The following MEP1A variants were observed in gnomAD, a reference collection of about 807,000 sequenced individuals.
MEP1A encodes the protein meprin A subunit alpha.
Under a neutral mutation model 84.5 loss-of-function variants are expected in MEP1A, and 68 were observed. That is an observed-to-expected ratio of 0.80 (90% CI 0.66 to 0.98). MEP1A has a LOEUF of 0.98. MEP1A is among the 50% of genes least tolerant of loss of function. The pLI is 0.00. For synonymous variants in MEP1A, 337 were observed against 336.8 expected (o/e 1.00, Z -0.01); for missense variants, 887 against 919.9 (o/e 0.96, Z 0.46).
At chr6:46,841,863 A>T (rs182308630), downstream of MEP1A, among the ~76,000 whole-genome samples, 7 of 152,308 alleles carry the variant, frequency 4.6e-5, no homozygotes, top group East Asian at 1.4e-3. Context: ...ATTCTGCTAC[A>T]CCTTCATATT....
chr6:46,832,273 G>A (rs1423189384), intron 10 of MEP1A, among the ~76,000 whole-genome samples: 1 of 152,122 alleles, frequency 6.6e-6, no homozygotes, highest in Non-Finnish European at 1.5e-5. Context: ...TTGCGGAATT[G>A]AGTTGCTTTG....
intron 6 of MEP1A, among the ~76,000 whole-genome samples, chr6:46,812,421 A>T (rs1767526776): frequency 6.6e-6 from 1 of 151,900 alleles, no homozygotes; most frequent in South Asian, 2.1e-4. Flanking sequence ...TCAAAGAACC[A>T]GATTTTTGTT....
intron 6 of MEP1A, 83 bp downstream of exon 6, chr6:46,809,620 A>G (rs2150745072): frequency 1.2e-6 from 1 of 837,048 alleles, no homozygotes. Context: ...CCAAAGTCCA[A>G]TGTATCATTC....
chr6:46,820,832 T>A (rs1767755063), intron 7 of MEP1A, among the ~76,000 whole-genome samples: 1 of 152,040 alleles, frequency 6.6e-6, no homozygotes. Flanking sequence ...TAAGAAGGAA[T>A]TAGTGAAGAG....
chr6:46,821,597 T>C (rs377529216), intron 7 of MEP1A, among the ~76,000 whole-genome samples: 107 of 152,350 alleles, frequency 7.0e-4, no homozygotes, highest in South Asian at 3.7e-3. Context: ...CTTACCTTCC[T>C]GTACATATAC....
intron 13 of MEP1A, among the ~76,000 whole-genome samples, chr6:46,835,942 T>G (rs377562337): frequency 2.6e-5 from 4 of 152,206 alleles, no homozygotes; most frequent in African/African-American, 9.6e-5. Flanking sequence ...TCCTAATTAT[T>G]ATTAGTTCTA....
downstream of MEP1A, among the ~76,000 whole-genome samples, chr6:46,841,933 G>C (rs187334634): frequency 4.8e-4 from 73 of 152,322 alleles, 1 homozygote; most frequent in African/African-American, 1.7e-3. Flanking sequence ...TGGAGCCGCA[G>C]CAGAAGAACA....
Position 46,826,423 on chromosome 6 carries a change from C to A in MEP1A, c.848C>A (p.Thr283Asn), listed in dbSNP as rs1160942514. ...KANICGMIQGTRDDTDWAHQD... is the reference protein window; with the variant it reads ...KANICGMIQGNRDDTDWAHQD... ...AACATCTGTGGAATGATTCAGGGCA[C>A]CAGAGATGACACTGACTGGGCCCAT... The change falls in exon 9 of 14, where the codon ACC becomes AAC. Residue 283 changes from threonine (T) to asparagine (N), a missense_variant. Physicochemically the swap from Thr to Asn is moderately conservative, Grantham distance 65 (BLOSUM62 0). Transcript: ENST00000230588. The A allele has an allele frequency of 6.2e-7, 1 of 1,609,622 alleles. No homozygotes were observed. Among genetic ancestry groups the A allele is most frequent in the South Asian group, 1.1e-5 (1 of 89,552 alleles).
At chr6:46,805,028 T>C (rs1037730734) in intron 5 of MEP1A, among the ~76,000 whole-genome samples, 1 of 152,052 alleles carries the variant, frequency 6.6e-6, no homozygotes, top group Middle Eastern at 3.4e-3. Flanking sequence ...TTGTTCTTTT[T>C]TTGTTACTGT....
chr6:46,835,300 GC>G lies in MEP1A; in HGVS notation c.1840del (p.Gln614LysfsTer22). 1.2e-6 allele frequency: 2 copies of G among 1,605,256 alleles called. No homozygotes were observed. Among genetic ancestry groups the G allele is most frequent in the Non-Finnish European group, 1.7e-6 (2 of 1,176,086 alleles). Reference sequence around the variant, plus strand: ...GTTCCCACTAAAGGCAAAAGACTGAGCCCCCAAGGCCTCATTCTCCAAGGCC... The same window carrying G: ...GTTCCCACTAAAGGCAAAAGACTGAGCCCCAAGGCCTCATTCTCCAAGGCC... The part of the protein sequence containing the change: ...TEVPTKGKRL[S>X]PQGLILQGQE... On this transcript the variant is annotated frameshift_variant, in exon 13 of 14. Coordinates refer to ENST00000230588, the MANE Select transcript of MEP1A (RefSeq NM_005588.3). LOFTEE classifies it high-confidence loss of function.
In MEP1A at chr6:46,832,266, C is replaced by T. The variant is rs530092285; in HGVS notation, c.1145-808C>T. ...ATATCAGTGTAGGCACATCTCTTTG[C>T]GGAATTGAGTTGCTTTGCTTTCGCA... On this transcript the variant is annotated intron_variant, in intron 10 of 13. Transcript: ENST00000230588. Among the ~76,000 whole-genome samples, 10 of 152,246 alleles carry T rather than the reference C, an allele frequency of 6.6e-5. No homozygotes were observed. The South Asian group carries it at 1.9e-3, about 28-fold the overall frequency.
intron 13 of MEP1A, among the ~76,000 whole-genome samples, chr6:46,835,834 C>A (rs1768206091): frequency 6.6e-6 from 1 of 152,178 alleles, no homozygotes; most frequent in African/African-American, 2.4e-5. Flanking sequence ...CTAACTCTAA[C>A]AACACCCAAG....
chr6:46,802,928 A>T (rs1167141160), intron 5 of MEP1A, among the ~76,000 whole-genome samples: 1 of 151,714 alleles, frequency 6.6e-6, no homozygotes, highest in African/African-American at 2.4e-5. Context: ...ATATTTTGTT[A>T]TACATTTTTG....
In MEP1A at chr6:46,826,420, G is replaced by T; in HGVS notation, c.845G>T (p.Gly282Val). 6.2e-7 allele frequency: 1 copy of T among 1,609,946 alleles called. No individual in the cohort carries two copies. The highest frequency in any genetic ancestry group is 1.1e-5 in the South Asian group (1 of 89,650). The change falls in exon 9 of 14, where the codon GGC becomes GTC. Residue 282 changes from glycine (G) to valine (V), a missense_variant. Coordinates refer to ENST00000230588, the MANE Select transcript of MEP1A (RefSeq NM_005588.3). ...GCAAACATCTGTGGAATGATTCAGG[G>T]CACCAGAGATGACACTGACTGGGCC... ...EKANICGMIQGTRDDTDWAHQ... is the reference protein window; with the variant it reads ...EKANICGMIQVTRDDTDWAHQ...
intron 13 of MEP1A, among the ~76,000 whole-genome samples, chr6:46,835,872 T>A (rs35337145): frequency 6.6e-6 from 1 of 152,056 alleles, no homozygotes; most frequent in Admixed American, 6.6e-5. Flanking sequence ...GACTTTCTAC[T>A]CCATGAGGGT....
rs986317527 is a variant in MEP1A, at chr6:46,799,980, T to G, written c.262+799T>G. On this transcript the variant is annotated intron_variant, in intron 5 of 13. Coordinates refer to ENST00000230588, the MANE Select transcript of MEP1A (RefSeq NM_005588.3). ...CTAGGCTGCTCCTACTCTCAGGAGA[T>G]GTAGATTATGTTTCAGTATTTTCCA... is the stretch of plus-strand genomic sequence containing the variant. Among the ~76,000 whole-genome samples the G allele has an allele frequency of 2.6e-5, 4 of 152,178 alleles. No individual in the cohort carries two copies. The East Asian group carries it at 7.7e-4, about 29-fold the overall frequency.
chr6:46,830,235 C>G (rs185329144), intron 10 of MEP1A, among the ~76,000 whole-genome samples: 1,963 of 104,634 alleles, frequency 0.019, 44 homozygotes, highest in African/African-American at 0.071. Flanking sequence ...GGTGACAGAG[C>G]AAGACTCCAT....
chr6:46,845,365 G>A, the MEP1A span, among the ~76,000 whole-genome samples: 24 of 152,334 alleles, frequency 1.6e-4, no homozygotes, highest in East Asian at 3.5e-3. Flanking sequence ...GGAAAAGCAG[G>A]TTAAAAAATA....
At chr6:46,823,709 T>C (rs566255915) in intron 7 of MEP1A, among the ~76,000 whole-genome samples, 2 of 152,294 alleles carry the variant, frequency 1.3e-5, no homozygotes, top group African/African-American at 4.8e-5. Context: ...GTTAGCTGCA[T>C]TTGCATTCAG....
Sources: gnomAD v4.1 joint callset for allele counts (sites outside exome capture counted in the v4.1 genomes callset) on GRCh38, gnomAD v4.1.1 for gene constraint, MANE v1.5 for transcripts, NCBI Gene and HGNC (gene_info 2026-07-23, HGNC 2026-07-21) for gene names.